The following FANCC variants were observed in gnomAD, a reference collection of about 807,000 sequenced individuals.
FANCC encodes FA complementation group C.
A neutral mutation model predicts 71.3 loss-of-function variants in FANCC; 55 were observed. That is an observed-to-expected ratio of 0.77 (90% CI 0.62 to 0.97). The LOEUF (loss-of-function observed/expected upper bound fraction) is 0.97, where lower values mean the gene tolerates loss of function less well. FANCC is among the 50% of genes least tolerant of loss of function. The pLI is 0.00. For missense variants in FANCC, 678 were observed against 670.9 expected (o/e 1.01, Z -0.12); for synonymous variants, 275 against 244.9 (o/e 1.12, Z -1.15).
At chr9:95,105,448 TAAAA>T (rs2071369503) in intron 14 of FANCC, among the ~76,000 whole-genome samples, 2 of 152,194 alleles carry the variant, frequency 1.3e-5, no homozygotes, top group Non-Finnish European at 2.9e-5. Flanking sequence ...ACAAATAAAA[TAAAA>T]AATAAAACAA....
chr9:95,251,415 A>C (rs1354275600), intron 1 of FANCC, among the ~76,000 whole-genome samples: 1 of 152,192 alleles, frequency 6.6e-6, no homozygotes, highest in Non-Finnish European at 1.5e-5. Flanking sequence ...TCCTGGGTTC[A>C]AGCGACTCTC....
intron 10 of FANCC, among the ~76,000 whole-genome samples, chr9:95,119,652 C>T (rs532703877): frequency 6.6e-6 from 1 of 152,234 alleles, no homozygotes; most frequent in Admixed American, 6.5e-5. Flanking sequence ...GCATGAGCCA[C>T]CGTGCCTGGC....
At chr9:95,110,531 T>C (rs1324222821) in intron 13 of FANCC, 4 of 1,031,040 alleles carry the variant, frequency 3.9e-6, no homozygotes, top group Middle Eastern at 4.5e-4. Context: ...CACAAAGCTT[T>C]ATTTCTGATC....
chr9:95,112,952 G>A (rs1301098698), intron 12 of FANCC, among the ~76,000 whole-genome samples: 1 of 152,152 alleles, frequency 6.6e-6, no homozygotes, highest in East Asian at 1.9e-4. Flanking sequence ...GGAGAGGGTG[G>A]GTAGAGAGAA....
At chr9:95,300,431 A>T (rs1355330441) in intron 1 of FANCC, among the ~76,000 whole-genome samples, 1 of 152,114 alleles carries the variant, frequency 6.6e-6, no homozygotes, top group Non-Finnish European at 1.5e-5. Context: ...AAGAAAAAGA[A>T]GTCTGTAGGA....
intron 1 of FANCC, chr9:95,293,136 A>G (rs1336060692): frequency 6.8e-6 from 11 of 1,613,172 alleles, no homozygotes; most frequent in Non-Finnish European, 8.5e-6. Context: ...TAAAGCTAGA[A>G]CCATCTTTTG....
intron 4 of FANCC, among the ~76,000 whole-genome samples, chr9:95,231,977 G>T (rs1440809449): frequency 3.3e-5 from 5 of 152,172 alleles, no homozygotes; most frequent in Admixed American, 3.3e-4. Flanking sequence ...TGGAGGCAAT[G>T]AATAATTTAT....
At chr9:95,250,909 G>A (rs1053733976) in intron 1 of FANCC, among the ~76,000 whole-genome samples, 2 of 152,160 alleles carry the variant, frequency 1.3e-5, no homozygotes, top group Admixed American at 6.5e-5. Context: ...CTCTCTTCAC[G>A]CTTCCTTGAA....
In FANCC at chr9:95,126,751, G is replaced by T. The variant is rs1331431112; in HGVS notation, c.844-170C>A. ...TGTACTGAAAACGCCCCACATACAA[G>T]TGCATACGGTGGTCTCCCTGGGCAG... On this transcript the variant is annotated intron_variant, in intron 8 of 14. Coordinates refer to ENST00000289081, the MANE Select transcript of FANCC (RefSeq NM_000136.3). 247 of 663,030 alleles carry T rather than the reference G, an allele frequency of 3.7e-4. 2 individuals carry two copies. Among genetic ancestry groups the T allele is most frequent in the Non-Finnish European group, 1.4e-5 (5 of 367,918 alleles). The allele number at this position is 663,030 out of a possible 1,614,324, so 41.1% of individuals were successfully genotyped here.
intron 1 of FANCC, among the ~76,000 whole-genome samples, chr9:95,286,857 T>A (rs1165021185): frequency 6.6e-6 from 1 of 152,200 alleles, no homozygotes; most frequent in Non-Finnish European, 1.5e-5. Context: ...AAAGGTAATA[T>A]GAACATATCT....
chr9:95,294,215 C>G, intron 1 of FANCC: 2 of 1,592,950 alleles, frequency 1.3e-6, no homozygotes, highest in Non-Finnish European at 1.7e-6. Flanking sequence ...CAGCTCCCAT[C>G]TGGCCCAGCC....
chr9:95,292,305 C>A, intron 1 of FANCC: 1 of 482,404 alleles, frequency 2.1e-6, no homozygotes, highest in South Asian at 8.9e-5. Context: ...ATCAACACAA[C>A]TGCGAGCTGG....
chr9:95,270,245 T>C (rs1441186736), intron 1 of FANCC, among the ~76,000 whole-genome samples: 1 of 152,182 alleles, frequency 6.6e-6, no homozygotes, highest in African/African-American at 2.4e-5. Context: ...CTTTTGTTTA[T>C]GCCAACATCT....
chr9:95,214,327 G>A (rs1205702328), intron 4 of FANCC, among the ~76,000 whole-genome samples: 1 of 152,184 alleles, frequency 6.6e-6, no homozygotes, highest in Non-Finnish European at 1.5e-5. Flanking sequence ...AGCTACTGAA[G>A]AGGCTGGGGT....
At chr9:95,101,887 C>T (rs1240700587) in intron 14 of FANCC, 37 bp from the exon 15 acceptor site, 1 of 1,612,676 alleles carries the variant, frequency 6.2e-7, no homozygotes. Flanking sequence ...AATTAAAACA[C>T]TTTCCAGACA....
intron 12 of FANCC, 39 bp downstream of exon 12, chr9:95,114,590 T>C (rs753329820): frequency 9.7e-6 from 15 of 1,548,182 alleles, no homozygotes; most frequent in Non-Finnish European, 1.3e-5. Context: ...AGGGAAACCA[T>C]GTGTGAAGTA....
intron 1 of FANCC, among the ~76,000 whole-genome samples, chr9:95,280,002 T>G (rs1484358787): frequency 2.0e-5 from 3 of 148,784 alleles, no homozygotes; most frequent in South Asian, 2.1e-4. Flanking sequence ...ATTGTCAGAC[T>G]TTAAGAAAAC....
At chr9:95,290,277 G>A (rs1833927536) in intron 1 of FANCC, among the ~76,000 whole-genome samples, 1 of 152,028 alleles carries the variant, frequency 6.6e-6, no homozygotes, top group Non-Finnish European at 1.5e-5. Flanking sequence ...CTTCTGTCTG[G>A]GATCATATAT....
At chr9:95,208,508 A>T (rs1006155849) in intron 4 of FANCC, among the ~76,000 whole-genome samples, 1 of 152,202 alleles carries the variant, frequency 6.6e-6, no homozygotes, top group African/African-American at 2.4e-5. Context: ...AAAATATTTT[A>T]AAAAGACATA....
Sources: allele counts gnomAD v4.1 joint callset (sites outside exome capture counted in the v4.1 genomes callset), GRCh38; gene constraint gnomAD v4.1.1; transcripts MANE v1.5; gene names NCBI Gene and HGNC (gene_info 2026-07-23, HGNC 2026-07-21).